NFIB: variants seen among roughly 807,000 people sequenced by gnomAD.
NFIB encodes the protein nuclear factor I B, also known as nuclear factor 1 B-type.
In NFIB, 11 loss-of-function variants were observed where a neutral mutation model predicts 61.5. The ratio of observed to expected loss-of-function variants is 0.18; its 90% CI spans 0.11 to 0.30. The LOEUF (loss-of-function observed/expected upper bound fraction) is 0.30. Ranked by LOEUF, NFIB falls within the 10% of genes least tolerant of loss-of-function variation. NFIB has a pLI of 1.00. For synonymous variants in NFIB, 260 were observed against 216.5 expected (o/e 1.20, Z -1.76); for missense variants, 471 against 608.9 (o/e 0.77, Z 2.38).
intron 1 of NFIB, among the ~76,000 whole-genome samples, chr9:14,327,830 A>G (rs1332063646): frequency 6.6e-6 from 1 of 152,168 alleles, no homozygotes; most frequent in Non-Finnish European, 1.5e-5. Flanking sequence ...ACAAACCAAA[A>G]CAAAACCCTC....
rs557680877 is a variant in NFIB at position 14,291,960 on chromosome 9, C to T, written c.562+15029G>A. Among the ~76,000 whole-genome samples the T allele has an allele frequency of 9.9e-5, 15 of 151,874 alleles. No homozygotes were observed. In the South Asian group the frequency reaches 2.9e-3, roughly 29 times the overall value. On this transcript the variant is annotated intron_variant, in intron 2 of 10. Transcript: ENST00000380953. ...ATTTAGTGTATCTTCCATCCACACA[C>T]AAAAAAAGAGAAAGACCATGGCTGC...
chr9:14,275,022 C>G (rs1419166523), intron 2 of NFIB, among the ~76,000 whole-genome samples: 1 of 152,140 alleles, frequency 6.6e-6, no homozygotes, highest in African/African-American at 2.4e-5. Flanking sequence ...AAAGTCAAAT[C>G]AACAGTCATA....
At chr9:14,459,719 A>T in the NFIB span, among the ~76,000 whole-genome samples, 1 of 152,240 alleles carries the variant, frequency 6.6e-6, no homozygotes, top group South Asian at 2.1e-4. Context: ...ATATGAATGG[A>T]CACTTCTCAA....
chr9:14,100,794 C>T (rs2035663334), intron 10 of NFIB, among the ~76,000 whole-genome samples: 1 of 152,310 alleles, frequency 6.6e-6, no homozygotes, highest in African/African-American at 2.4e-5. Flanking sequence ...AGAGGTCTAT[C>T]CTATTTTTAG....
the NFIB span, among the ~76,000 whole-genome samples, chr9:14,503,900 C>T: frequency 6.6e-6 from 1 of 152,140 alleles, no homozygotes; most frequent in Admixed American, 6.5e-5. Context: ...TTCGCCTAAG[C>T]CAATGTCTAC....
intron 1 of NFIB, among the ~76,000 whole-genome samples, chr9:14,337,021 G>A (rs1278886072): frequency 6.6e-6 from 1 of 152,130 alleles, no homozygotes; most frequent in Non-Finnish European, 1.5e-5. Context: ...TCCATGTCAT[G>A]GGATATTATT....
Position 14,162,881 on chromosome 9 carries a change from T to G in NFIB, c.617-6988A>C, listed in dbSNP as rs2044358249. Among the ~76,000 whole-genome samples the G allele has an allele frequency of 2.0e-5, 3 of 152,256 alleles. No homozygotes were observed. In the South Asian group the frequency reaches 6.2e-4, roughly 32 times the overall value. The stretch of plus-strand genomic sequence containing the variant: ...GTTTACTAAGTGGGCTATGTTTATT[T>G]TTATGGCATAATAAAATTAAATGTA... On this transcript the variant is annotated intron_variant, in intron 3 of 10. Coordinates refer to ENST00000380953, the MANE Select transcript of NFIB (RefSeq NM_001190737.2).
At chr9:14,206,327 T>C (rs1371183247) in intron 2 of NFIB, among the ~76,000 whole-genome samples, 2 of 151,880 alleles carry the variant, frequency 1.3e-5, no homozygotes, top group Non-Finnish European at 2.9e-5. Flanking sequence ...CAGATGCACC[T>C]GGCTAATTTT....
chr9:14,177,131 T>C (rs2131411791), intron 3 of NFIB, among the ~76,000 whole-genome samples: 1 of 152,328 alleles, frequency 6.6e-6, no homozygotes, highest in East Asian at 1.9e-4. Flanking sequence ...TTGCTTGTGG[T>C]GGTAGACTGA....
At chr9:14,441,907 G>C in the NFIB span, among the ~76,000 whole-genome samples, 26 of 152,150 alleles carry the variant, frequency 1.7e-4, no homozygotes, top group Admixed American at 4.6e-4. Context: ...CTTATTACAA[G>C]GGCTTCTCTG....
the NFIB span, among the ~76,000 whole-genome samples, chr9:14,478,251 C>T: frequency 7.2e-5 from 11 of 152,162 alleles, no homozygotes; most frequent in East Asian, 1.9e-4. Context: ...CACTCATTAA[C>T]GACTTCACTT....
rs115082814 is a variant in NFIB at position 14,106,595 on chromosome 9, G to A, written c.1467+6404C>T. Among the ~76,000 whole-genome samples, 916 of 152,026 alleles carry A rather than the reference G, an allele frequency of 6.0e-3. 10 individuals are homozygous for A. Among genetic ancestry groups the A allele is most frequent in the African/African-American group, 0.02 (842 of 41,480 alleles). The stretch of plus-strand genomic sequence containing the variant: ...CAAAGAAAAAAAGAAAAAGGATAGG[G>A]GCCATCTGGTTCCTCTCAAATGGCT... On this transcript the variant is annotated intron_variant, in intron 10 of 10. Transcript: ENST00000380953.
At chr9:14,318,083 C>T (rs1211679325), upstream of NFIB, among the ~76,000 whole-genome samples, 1 of 152,162 alleles carries the variant, frequency 6.6e-6, no homozygotes, top group Non-Finnish European at 1.5e-5. Context: ...CTTTCATTCA[C>T]CCCAAAACCT....
chr9:14,430,261 G>C, the NFIB span, among the ~76,000 whole-genome samples: 1 of 151,974 alleles, frequency 6.6e-6, no homozygotes, highest in Non-Finnish European at 1.5e-5. Flanking sequence ...AACTCTAGTA[G>C]ATCACTGACT....
the NFIB span, among the ~76,000 whole-genome samples, chr9:14,438,056 ATG>A: frequency 1.3e-5 from 2 of 149,846 alleles, no homozygotes; most frequent in South Asian, 2.2e-4. Flanking sequence ...GTGTGCACGC[ATG>A]TGTGTGTGTG....
At chr9:14,325,170 GTTATAAA>G (rs1388397177) in intron 1 of NFIB, among the ~76,000 whole-genome samples, 4 of 151,846 alleles carry the variant, frequency 2.6e-5, no homozygotes, top group Non-Finnish European at 5.9e-5. Flanking sequence ...TTAATCTTTT[GTTATAAA>G]TTATAAATAA....
At chr9:14,289,102 GTGTA>G (rs756087986) in intron 2 of NFIB, among the ~76,000 whole-genome samples, 1 of 146,058 alleles carries the variant, frequency 6.8e-6, no homozygotes, top group South Asian at 2.1e-4. Context: ...GTGTGTGTGT[GTGTA>G]TGTGTGTGTG....
chr9:14,195,096 G>A (rs561214541), intron 2 of NFIB, among the ~76,000 whole-genome samples: 1 of 151,952 alleles, frequency 6.6e-6, no homozygotes, highest in Admixed American at 6.6e-5. Flanking sequence ...AACTGGGGTG[G>A]TTATGTGCCC....
chr9:14,237,895 T>C (rs2053953411), intron 2 of NFIB, among the ~76,000 whole-genome samples: 1 of 105,766 alleles, frequency 9.5e-6, no homozygotes, highest in African/African-American at 3.6e-5. Flanking sequence ...GTGTGTATTC[T>C]ACCATATTCT....
Sources: allele counts gnomAD v4.1 joint callset (sites outside exome capture counted in the v4.1 genomes callset), GRCh38; gene constraint gnomAD v4.1.1; transcripts MANE v1.5; gene names NCBI Gene and HGNC (gene_info 2026-07-23, HGNC 2026-07-21).